PRKN: variants seen among roughly 807,000 people sequenced by gnomAD.
PRKN encodes the protein parkin RBR E3 ubiquitin protein ligase, also known as E3 ubiquitin-protein ligase parkin.
In PRKN, 56 loss-of-function variants were observed where a neutral mutation model predicts 59.5. The ratio of observed to expected loss-of-function variants is 0.94; its 90% CI spans 0.76 to 1.18. The LOEUF is 1.18. PRKN is among the 50% of genes most tolerant of loss of function. The pLI, the probability that PRKN is intolerant of heterozygous loss-of-function variation, is 0.00. For synonymous variants in PRKN, 250 were observed against 222.1 expected, an observed-to-expected ratio of 1.13 and a Z score of -1.12; for missense variants, 657 against 596.4, an observed-to-expected ratio of 1.10 and a Z score of -1.06.
rs1212411939 is a variant in PRKN at position 161,405,633 on chromosome 6, A to AATAC, written c.1084-18757_1084-18756insGTAT. Among the ~76,000 whole-genome samples, 2 of 150,878 alleles carry AATAC rather than the reference A, an allele frequency of 1.3e-5. No individual in the cohort carries two copies. Among genetic ancestry groups the AATAC allele is most frequent in the Non-Finnish European group, 3.0e-5 (2 of 67,762 alleles). On this transcript the variant is annotated intron_variant, in intron 9 of 11. Transcript: ENST00000366898. This position sits in a 1 kb window ranked among gnomAD's most constrained non-coding sequence, Gnocchi z 5.1. ...AAATAAATAAATAAATAAATAAATA[A>AATAC]ATAAATAAATAAATAAATTTGGGTC...
chr6:162,556,401 G>GTGTGTGTCTGTC (rs776385523), intron 1 of PRKN, among the ~76,000 whole-genome samples: 1 of 131,158 alleles, frequency 7.6e-6, no homozygotes, highest in Non-Finnish European at 1.7e-5. Context: ...GTGTGTGTGT[G>GTGTGTGTCTGTC]TGTCAGTTTG....
intron 2 of PRKN, among the ~76,000 whole-genome samples, chr6:162,290,410 A>G (rs887565093): frequency 3.3e-5 from 5 of 152,238 alleles, no homozygotes; most frequent in African/African-American, 1.2e-4. Flanking sequence ...CTAACACAAA[A>G]TATCAGAATT....
chr6:162,348,558 T>C (rs552552760), intron 2 of PRKN, among the ~76,000 whole-genome samples: 3 of 152,144 alleles, frequency 2.0e-5, no homozygotes, highest in African/African-American at 7.2e-5. Context: ...AGAAAGTAAA[T>C]CAGAGTCAAA....
rs1399767679 is a variant in PRKN, at chr6:161,529,676, T to A, written c.1083+19178A>T. Among the ~76,000 whole-genome samples the A allele has an allele frequency of 6.6e-6, 1 of 152,214 alleles. No homozygotes were observed. Among genetic ancestry groups the A allele is most frequent in the Non-Finnish European group, 1.5e-5 (1 of 68,036 alleles). On this transcript the variant is annotated intron_variant, in intron 9 of 11. Coordinates refer to ENST00000366898, the MANE Select transcript of PRKN (RefSeq NM_004562.3). This position sits in a 1 kb window ranked among gnomAD's most constrained non-coding sequence, Gnocchi z 4.4. ...CTGTTTTGGAAGAAGCTGTCCTACA[T>A]ATAAGTTGTCTTCTGCAAAATAAGA...
At chr6:162,426,530 A>C (rs1215042140) in intron 2 of PRKN, among the ~76,000 whole-genome samples, 2 of 152,206 alleles carry the variant, frequency 1.3e-5, no homozygotes, top group East Asian at 3.9e-4. Context: ...GGCTCACTAC[A>C]ACCTCTGCCT....
At chr6:162,280,922 T>C (rs1446894194) in intron 2 of PRKN, among the ~76,000 whole-genome samples, 1 of 150,610 alleles carries the variant, frequency 6.6e-6, no homozygotes, top group Non-Finnish European at 1.5e-5. Flanking sequence ...GCTGTTCACA[T>C]ATACACCATG....
chr6:162,707,386 A>T (rs1778374484), intron 1 of PRKN, among the ~76,000 whole-genome samples: 1 of 152,200 alleles, frequency 6.6e-6, no homozygotes, highest in African/African-American at 2.4e-5. Flanking sequence ...CAATACTCTC[A>T]GAACAGAGTA....
rs572565407 is a variant in PRKN, at chr6:161,855,416, C to T, written c.735-69508G>A. On this transcript the variant is annotated intron_variant, in intron 6 of 11. Transcript: ENST00000366898. The stretch of plus-strand genomic sequence containing the variant: ...CTTCATTTAGAATTTGGATATAAAC[C>T]GTAACTATTAAAATTGACTGAATAT... 7.2e-5 allele frequency among the ~76,000 whole-genome samples: 11 copies of T among 152,192 alleles called. No individual in the cohort carries two copies. The South Asian group carries it at 8.3e-4, about 11-fold the overall frequency.
chr6:161,621,974 T>A (rs1582903474), intron 7 of PRKN, among the ~76,000 whole-genome samples: 1 of 152,264 alleles, frequency 6.6e-6, no homozygotes, highest in East Asian at 1.9e-4. Flanking sequence ...CCACCCTCTG[T>A]TTTTCTCCCC....
In PRKN at chr6:162,287,150, G is replaced by A. The variant is rs77679768; in HGVS notation, c.172-24385C>T. On this transcript the variant is annotated intron_variant, in intron 2 of 11. Coordinates refer to ENST00000366898, the MANE Select transcript of PRKN (RefSeq NM_004562.3). ...AATGATAACAGATTACAGATGAGAC[G>A]CAACGAAAGCTTCCAGCCAGGAAGG... 6.8e-4 allele frequency among the ~76,000 whole-genome samples: 104 copies of A among 152,228 alleles called. 1 individual carries two copies. In the East Asian group the frequency reaches 0.016, roughly 23 times the overall value.
At chr6:161,732,689 C>T (rs567718079) in intron 7 of PRKN, among the ~76,000 whole-genome samples, 3 of 152,104 alleles carry the variant, frequency 2.0e-5, no homozygotes, top group Admixed American at 2.0e-4. Context: ...GGATAATGGC[C>T]GTCACCTCCA....
chr6:161,988,431 G>T (rs1448505616), intron 5 of PRKN, among the ~76,000 whole-genome samples: 1 of 151,938 alleles, frequency 6.6e-6, no homozygotes, highest in Non-Finnish European at 1.5e-5. Flanking sequence ...GGGGTTGCAT[G>T]AGGCGAGATC....
intron 7 of PRKN, among the ~76,000 whole-genome samples, chr6:161,697,164 A>G (rs1371850154): frequency 6.6e-6 from 1 of 152,208 alleles, no homozygotes; most frequent in African/African-American, 2.4e-5. Context: ...GTGGATCATA[A>G]TATAGTATCT....
At chr6:162,252,585 G>T (rs934294968) in intron 3 of PRKN, among the ~76,000 whole-genome samples, 1 of 152,196 alleles carries the variant, frequency 6.6e-6, no homozygotes, top group Non-Finnish European at 1.5e-5. Context: ...AATGGGATAC[G>T]TGCTCTTACA....
intron 5 of PRKN, among the ~76,000 whole-genome samples, chr6:162,035,015 G>C (rs1304206786): frequency 6.6e-6 from 1 of 152,150 alleles, no homozygotes; most frequent in East Asian, 1.9e-4. Context: ...TGTACAAGAA[G>C]CATGTCACCA....
At chr6:162,061,291 C>A (rs1233515713) in intron 4 of PRKN, among the ~76,000 whole-genome samples, 1 of 152,106 alleles carries the variant, frequency 6.6e-6, no homozygotes. Context: ...ACAACAAACG[C>A]CTTTACACAG....
Position 161,814,168 on chromosome 6 carries a change from T to A in PRKN, c.735-28260A>T, listed in dbSNP as rs1043369518. Among the ~76,000 whole-genome samples, 3 of 152,236 alleles carry A rather than the reference T, an allele frequency of 2.0e-5. No individual in the cohort carries two copies. The South Asian group carries it at 6.2e-4, about 31-fold the overall frequency. ...TTGTAGTGAGCAACACTGGCTACAC[T>A]GCTTTCTACTCTTATTCAAGCATTG... On this transcript the variant is annotated intron_variant, in intron 6 of 11. Transcript: ENST00000366898.
chr6:162,385,145 G>A (rs1174242194), intron 2 of PRKN, among the ~76,000 whole-genome samples: 1 of 151,922 alleles, frequency 6.6e-6, no homozygotes, highest in African/African-American at 2.4e-5. Context: ...GATACTTATG[G>A]AACTCACATG....
At chr6:162,504,683 T>C (rs978248358) in intron 1 of PRKN, among the ~76,000 whole-genome samples, 7 of 152,208 alleles carry the variant, frequency 4.6e-5, no homozygotes, top group Middle Eastern at 3.4e-3. Context: ...TAAAAGTTCA[T>C]GAAAAAAAGA....
Sources: gnomAD v4.1 joint callset for allele counts (sites outside exome capture counted in the v4.1 genomes callset) on GRCh38, gnomAD v4.1.1 for gene constraint, Gnocchi (gnomAD v3.1) non-coding constraint, MANE v1.5 for transcripts, NCBI Gene and HGNC (gene_info 2026-07-23, HGNC 2026-07-21) for gene names.